Variants in FNBP1L observed in about 807,000 individuals in gnomAD.
The protein encoded by FNBP1L is formin binding protein 1 like, also known as formin-binding protein 1-like.
In FNBP1L, 36 loss-of-function variants were observed where a neutral mutation model predicts 91.2. That is an observed-to-expected ratio of 0.39 (90% CI 0.30 to 0.52). The LOEUF (loss-of-function observed/expected upper bound fraction) is 0.52. Among genes scored for constraint, FNBP1L ranks in the 20% least tolerant of loss-of-function variants. FNBP1L has a pLI of 0.66. For synonymous variants in FNBP1L, 242 were observed against 237.0 expected (o/e 1.02, Z -0.19); for missense variants, 571 against 732.1 (o/e 0.78, Z 2.54).
At chr1:93,460,599 A>AG (rs959806753) in intron 1 of FNBP1L, among the ~76,000 whole-genome samples, 4 of 152,258 alleles carry the variant, frequency 2.6e-5, no homozygotes, top group Non-Finnish European at 5.9e-5. Context: ...GATGTGTCAC[A>AG]GAAAAAAAAG....
intron 3 of FNBP1L, among the ~76,000 whole-genome samples, chr1:93,522,679 G>C (rs1284194066): frequency 2.0e-5 from 3 of 152,092 alleles, no homozygotes; most frequent in Non-Finnish European, 4.4e-5. Flanking sequence ...TCAGTTGTTA[G>C]GATTCTCAGG....
At chr1:93,543,528 A>G (rs1466731604) in intron 11 of FNBP1L, among the ~76,000 whole-genome samples, 2 of 152,152 alleles carry the variant, frequency 1.3e-5, no homozygotes, top group African/African-American at 4.8e-5. Context: ...ATGACCAGGT[A>G]TGTTTTGAAT....
chr1:93,459,940 G>GGTGTGT (rs1557773915), intron 1 of FNBP1L, among the ~76,000 whole-genome samples: 16 of 54,900 alleles, frequency 2.9e-4, no homozygotes, highest in African/African-American at 5.7e-4. Context: ...TTGGATTTCA[G>GGTGTGT]ATGTGTGTGT....
rs545407761 is a variant in FNBP1L, at chr1:93,554,137, G to A, written c.*1721G>A. The A allele has an allele frequency of 2.4e-4, 36 of 152,700 alleles. No individual in the cohort carries two copies. Among genetic ancestry groups the A allele is most frequent in the South Asian group, 1.0e-3 (5 of 4,816 alleles). The allele number at this position is 152,700 out of a possible 1,614,324, so 9.5% of individuals were successfully genotyped here. Reference sequence around the variant, plus strand: ...CTATAAAGTTTAGATATTGAATCTCGTTACAGGGTTATTTATATAATGTGA... The same window carrying A: ...CTATAAAGTTTAGATATTGAATCTCATTACAGGGTTATTTATATAATGTGA... On this transcript the variant is annotated 3_prime_UTR_variant, in exon 17 of 17. Coordinates refer to ENST00000271234, the MANE Select transcript of FNBP1L (RefSeq NM_001164473.3).
Position 93,448,145 on chromosome 1 carries a change from G to C in FNBP1L, c.-137G>C, listed in dbSNP as rs567363237. On this transcript the variant is annotated 5_prime_UTR_variant, in exon 1 of 17. Transcript: ENST00000271234. ...TCGCGTCTTTCTCACTCACTGGGGA[G>C]CCCGGCGGTGGCGGCACCTTTCGAG... 1 of 1,109,730 alleles carries C rather than the reference G, an allele frequency of 9.0e-7. No homozygotes were observed. The highest frequency in any genetic ancestry group is 1.3e-6 in the Non-Finnish European group (1 of 788,014). The allele number at this position is 1,109,730 out of a possible 1,614,324, so 68.7% of individuals were successfully genotyped here.
chr1:93,455,268 C>T (rs918053185), intron 1 of FNBP1L, among the ~76,000 whole-genome samples: 29 of 152,242 alleles, frequency 1.9e-4, no homozygotes, highest in Non-Finnish European at 3.5e-4. Flanking sequence ...TCATAGCTCA[C>T]CGCAGCCTCA....
rs539979271 is a variant in FNBP1L, at chr1:93,522,115, A to G, written c.174A>G (p.Ser58=). 6.6e-7 allele frequency: 1 copy of G among 1,516,456 alleles called. No individual in the cohort carries two copies. Among genetic ancestry groups the G allele is most frequent in the South Asian group, 1.4e-5 (1 of 71,854 alleles). The allele number at this position is 1,516,456 out of a possible 1,614,324, so 93.9% of individuals were successfully genotyped here. A position where few individuals can be genotyped will look rare whatever the true frequency, so the allele number is the denominator to read the frequency against. Residue 58 remains serine, a synonymous_variant, in exon 3 of 17, where the codon TCA becomes TCG. Coordinates refer to ENST00000271234, the MANE Select transcript of FNBP1L (RefSeq NM_001164473.3). ...TTAAGAAGTACTGCCCCAAACGTTC[A>G]TCCAAAGATGAAGAGCCACGGTAAA... ...NLVKKYCPKR[S]SKDEEPRFTS...
intron 12 of FNBP1L, among the ~76,000 whole-genome samples, chr1:93,546,269 T>G (rs548799881): frequency 6.6e-6 from 1 of 152,192 alleles, no homozygotes; most frequent in South Asian, 2.1e-4. Flanking sequence ...TTAAGGAGTG[T>G]TAGTCAATAG....
At chr1:93,497,459 A>T (rs558414181) in intron 1 of FNBP1L, among the ~76,000 whole-genome samples, 1 of 152,260 alleles carries the variant, frequency 6.6e-6, no homozygotes, top group African/African-American at 2.4e-5. Flanking sequence ...TTATATCTTT[A>T]TGTGGTGTCT....
chr1:93,453,881 A>G (rs891096759), intron 1 of FNBP1L, among the ~76,000 whole-genome samples: 1 of 152,228 alleles, frequency 6.6e-6, no homozygotes, highest in African/African-American at 2.4e-5. Flanking sequence ...GGGGCATACT[A>G]AAAGAATCAA....
At chr1:93,494,628 C>A (rs1670203592) in intron 1 of FNBP1L, among the ~76,000 whole-genome samples, 1 of 152,152 alleles carries the variant, frequency 6.6e-6, no homozygotes, top group Non-Finnish European at 1.5e-5. Context: ...GCTCCTCTTA[C>A]CCCTGTGACT....
At chr1:93,546,278 A>C (rs570031214) in intron 12 of FNBP1L, among the ~76,000 whole-genome samples, 9 of 152,126 alleles carry the variant, frequency 5.9e-5, no homozygotes, top group Non-Finnish European at 8.8e-5. Context: ...GTTAGTCAAT[A>C]GTGTCAGATG....
chr1:93,467,809 G>A (rs1669142365), intron 1 of FNBP1L, among the ~76,000 whole-genome samples: 1 of 152,022 alleles, frequency 6.6e-6, no homozygotes, highest in Non-Finnish European at 1.5e-5. Context: ...GCTTGGCGGT[G>A]TGCGCAATAG....
intron 1 of FNBP1L, among the ~76,000 whole-genome samples, chr1:93,498,274 TG>T (rs1337755405): frequency 2.0e-5 from 3 of 152,150 alleles, no homozygotes; most frequent in Non-Finnish European, 4.4e-5. Flanking sequence ...TTGTTTTTTT[TG>T]TTTGTTTGTT....
rs534981729 is a variant in FNBP1L, at chr1:93,547,305, A to G, written c.1408-42A>G. On this transcript the variant is annotated intron_variant, in intron 13 of 16. Coordinates refer to ENST00000271234, the MANE Select transcript of FNBP1L (RefSeq NM_001164473.3). ...GTAGATATCTTATGAGCTTTTAAACATATTTATTGAGCTCAGTTGTTTGCT... is the reference window on the plus strand; with the variant it reads ...GTAGATATCTTATGAGCTTTTAAACGTATTTATTGAGCTCAGTTGTTTGCT... The G allele has an allele frequency of 4.4e-5, 61 of 1,400,716 alleles. No homozygotes were observed. In the East Asian group the frequency reaches 1.3e-3, roughly 30 times the overall value. 86.8% of individuals were successfully genotyped at this position (1,400,716 alleles called of 1,614,324 possible). A position where few individuals can be genotyped will look rare whatever the true frequency, so the allele number is the denominator to read the frequency against.
intron 1 of FNBP1L, among the ~76,000 whole-genome samples, chr1:93,487,645 T>C (rs1337705534): frequency 6.6e-6 from 1 of 152,148 alleles, no homozygotes; most frequent in Non-Finnish European, 1.5e-5. Flanking sequence ...TGTTAACAGG[T>C]CAACCTAACT....
chr1:93,515,108 A>G (rs1472324947), intron 2 of FNBP1L, among the ~76,000 whole-genome samples: 1 of 152,256 alleles, frequency 6.6e-6, no homozygotes, highest in Non-Finnish European at 1.5e-5. Flanking sequence ...GGTGAAGGAC[A>G]TTAACAGACA....
intron 1 of FNBP1L, among the ~76,000 whole-genome samples, chr1:93,453,255 A>G (rs1389337028): frequency 6.6e-6 from 1 of 152,226 alleles, no homozygotes; most frequent in African/African-American, 2.4e-5. Flanking sequence ...CTATTAGTTA[A>G]GGAGGATGAG....
At chr1:93,449,673 G>C (rs1215485715) in intron 1 of FNBP1L, among the ~76,000 whole-genome samples, 1 of 152,150 alleles carries the variant, frequency 6.6e-6, no homozygotes, top group East Asian at 1.9e-4. Context: ...CCACCCAAGA[G>C]AAAATACCTT....
Sources: allele counts gnomAD v4.1 joint callset (sites outside exome capture counted in the v4.1 genomes callset), GRCh38; gene constraint gnomAD v4.1.1; transcripts MANE v1.5; gene names NCBI Gene and HGNC (gene_info 2026-07-23, HGNC 2026-07-21).